P2RX7: variants seen among roughly 807,000 people sequenced by gnomAD.
P2RX7 encodes P2X purinoceptor 7.
A neutral mutation model predicts 71.6 loss-of-function variants in P2RX7; 62 were observed. The ratio of observed to expected loss-of-function variants is 0.87; its 90% CI spans 0.71 to 1.07. The LOEUF is 1.07. Among genes scored for constraint, P2RX7 ranks in the 50% least tolerant of loss-of-function variants. P2RX7 has a pLI of 0.00. For missense variants in P2RX7, 686 were observed against 748.5 expected (o/e 0.92, Z 0.97); for synonymous variants, 299 against 283.3 (o/e 1.06, Z -0.56).
chr12:121,143,186 C>T lies in P2RX7; in HGVS notation c.125+10091C>T, dbSNP rs995013728. Among the ~76,000 whole-genome samples, 10 of 150,484 alleles carry T rather than the reference C, an allele frequency of 6.6e-5. No individual in the cohort carries two copies. In the Admixed American group the frequency reaches 6.6e-4, roughly 10 times the overall value. On this transcript the variant is annotated intron_variant, in intron 1 of 12. Coordinates refer to ENST00000328963, the MANE Select transcript of P2RX7 (RefSeq NM_002562.6). ...CCTGGGTTCAGGAGTTCATTCGAGA[C>T]CAGCCTGGCCAACATGGTGAAAGTC...
intron 1 of P2RX7, among the ~76,000 whole-genome samples, chr12:121,145,552 G>C (rs1453799378): frequency 2.0e-5 from 3 of 151,272 alleles, no homozygotes. Flanking sequence ...TGTCGCCCAG[G>C]CTGGAGTGCG....
rs575422540 is a variant in P2RX7 at position 121,154,723 on chromosome 12, G to A, written c.126-62G>A. Reference sequence around the variant, plus strand: ...AACAGAAGTGCCTGCATCCTCCAACGCCTGCATCCCAACCCGCTGTGCTAT... The same window carrying A: ...AACAGAAGTGCCTGCATCCTCCAACACCTGCATCCCAACCCGCTGTGCTAT... On this transcript the variant is annotated intron_variant, in intron 1 of 12. Transcript: ENST00000328963. The surrounding 1 kb of genome is among the most constrained non-coding windows in gnomAD (Gnocchi z 4.2). The A allele has an allele frequency of 1.2e-4, 134 of 1,072,054 alleles. 1 individual carries two copies. Among genetic ancestry groups the A allele is most frequent in the East Asian group, 1.1e-3 (45 of 42,420 alleles). The allele number at this position is 1,072,054 out of a possible 1,614,324, so 66.4% of individuals were successfully genotyped here. A position where few individuals can be genotyped will look rare whatever the true frequency, so the allele number is the denominator to read the frequency against.
intron 3 of P2RX7, among the ~76,000 whole-genome samples, chr12:121,158,600 C>G (rs533019737): frequency 6.6e-6 from 1 of 152,324 alleles, no homozygotes; most frequent in African/African-American, 2.4e-5. Flanking sequence ...AGTCACAGCA[C>G]AGGCTCAGCT....
Position 121,177,412 on chromosome 12 carries a change from G to C in P2RX7, c.1154G>C (p.Arg385Thr). 1.9e-6 allele frequency: 3 copies of C among 1,613,692 alleles called. No homozygotes were observed. Among genetic ancestry groups the C allele is most frequent in the Non-Finnish European group, 2.5e-6 (3 of 1,180,036 alleles). Reference protein sequence around the residue: ...QPCVVNEYYYRKKCESIVEPK... With the variant: ...QPCVVNEYYYTKKCESIVEPK... Reference sequence around the variant, plus strand: ...TGTGTGGTCAACGAATACTACTACAGGAAGAAGTGCGAGTCCATTGTGGAG... The same window carrying C: ...TGTGTGGTCAACGAATACTACTACACGAAGAAGTGCGAGTCCATTGTGGAG... Residue 385 changes from arginine (R) to threonine (T), a missense_variant, in exon 11 of 13, where the codon AGG becomes ACG. Physicochemically the swap from Arg to Thr is moderately conservative, Grantham distance 71 (BLOSUM62 -1). Coordinates refer to ENST00000328963, the MANE Select transcript of P2RX7 (RefSeq NM_002562.6).
rs763761148 is a variant in P2RX7 at position 121,184,590 on chromosome 12, C to T, written c.1576C>T (p.Leu526Phe). 1.2e-6 allele frequency: 2 copies of T among 1,613,978 alleles called. No homozygotes were observed. Among genetic ancestry groups the T allele is most frequent in the Non-Finnish European group, 1.7e-6 (2 of 1,179,950 alleles). The change falls in exon 13 of 13, where the codon CTC becomes TTC. Residue 526 changes from leucine (L) to phenylalanine (F), a missense_variant. Leu to Phe is a conservative substitution (Grantham distance 22). Coordinates refer to ENST00000328963, the MANE Select transcript of P2RX7 (RefSeq NM_002562.6). ...LVLSRHVLQF[L>F]LLYQEPLLAL... ...CCTGTCCAGACACGTCCTGCAGTTC[C>T]TCCTGCTCTACCAGGAGCCCTTGCT...
chr12:121,187,296 G>T lies in P2RX7; in HGVS notation c.*2494G>T, dbSNP rs935023675. ...CTACTATATTCATGTAAGACAGCAT[G>T]AATAAAACCATTTTTTGATACAGGG... On this transcript the variant is annotated 3_prime_UTR_variant, in exon 13 of 13. Coordinates refer to ENST00000328963, the MANE Select transcript of P2RX7 (RefSeq NM_002562.6). 1.3e-5 allele frequency: 2 copies of T among 152,146 alleles called. No homozygotes were observed. The highest frequency in any genetic ancestry group is 2.9e-5 in the Non-Finnish European group (2 of 68,010). 9.4% of individuals were successfully genotyped at this position (152,146 alleles called of 1,614,324 possible).
At chr12:121,176,795 C>G (rs1403639730) in intron 9 of P2RX7, among the ~76,000 whole-genome samples, 3 of 151,080 alleles carry the variant, frequency 2.0e-5, no homozygotes, top group Non-Finnish European at 2.9e-5. Context: ...CCCAGACATT[C>G]CTTCCCTCTG....
chr12:121,160,288 C>T (rs1050618486), intron 3 of P2RX7, among the ~76,000 whole-genome samples: 2 of 152,120 alleles, frequency 1.3e-5, no homozygotes, highest in Non-Finnish European at 2.9e-5. Context: ...GCTGGGATTA[C>T]AGGCGCACAC....
chr12:121,162,513 G>GC lies in P2RX7; in HGVS notation c.532dup (p.Arg178ProfsTer64), dbSNP rs1326587970. 1.2e-6 allele frequency: 2 copies of GC among 1,612,636 alleles called. No individual in the cohort carries two copies. The highest frequency in any genetic ancestry group is 8.5e-7 in the Non-Finnish European group (1 of 1,179,950). ...GTGCCCCATCGAGGCAGTGGAAGAG[G>GC]CCCCCCGGTGAGTCGCATGGGGAGA... is the stretch of plus-strand genomic sequence containing the variant. On this transcript the variant is annotated frameshift_variant, in exon 5 of 13. Transcript: ENST00000328963. LOFTEE classifies it high-confidence loss of function.
chr12:121,173,549 C>G (rs1455422566), intron 8 of P2RX7, among the ~76,000 whole-genome samples: 1 of 152,178 alleles, frequency 6.6e-6, no homozygotes, highest in Non-Finnish European at 1.5e-5. Context: ...CCAGGCCATA[C>G]CAGGCCATGC....
At position 121,186,379 on chromosome 12, in the gene P2RX7, C is replaced by G. The variant is rs1884891839; in HGVS notation, c.*1577C>G. On this transcript the variant is annotated 3_prime_UTR_variant, in exon 13 of 13. Transcript: ENST00000328963. ...AGGGCAAGCCTGATGAATGGGCACA[C>G]AGACTCAGCCCATACCTTCCCTGGT... The G allele has an allele frequency of 6.6e-6, 1 of 152,246 alleles. No individual in the cohort carries two copies. The highest frequency in any genetic ancestry group is 2.4e-5 in the African/African-American group (1 of 41,454). 9.4% of individuals were successfully genotyped at this position (152,246 alleles called of 1,614,324 possible). A position where few individuals can be genotyped will look rare whatever the true frequency, so the allele number is the denominator to read the frequency against.
intron 5 of P2RX7, 130 bp downstream of exon 5, chr12:121,162,650 C>T: frequency 9.8e-7 from 1 of 1,025,630 alleles, no homozygotes. Flanking sequence ...TTGGGGACCC[C>T]TGCGCTCTGG....
intron 1 of P2RX7, among the ~76,000 whole-genome samples, chr12:121,142,190 C>A (rs1875046799): frequency 6.6e-6 from 1 of 152,164 alleles, no homozygotes; most frequent in African/African-American, 2.4e-5. Flanking sequence ...CTAATACAGT[C>A]CCACAGGCCT....
intron 12 of P2RX7, among the ~76,000 whole-genome samples, chr12:121,183,580 A>AC (rs1555231311): frequency 2.7e-5 from 4 of 147,974 alleles, no homozygotes; most frequent in Non-Finnish European, 3.0e-5. Context: ...CAAAAAAAAA[A>AC]AACAACAAAT....
At chr12:121,170,514 C>G (rs111251427) in intron 8 of P2RX7, among the ~76,000 whole-genome samples, 3,421 of 152,280 alleles carry the variant, frequency 0.022, 138 homozygotes, top group African/African-American at 0.078. Flanking sequence ...GTGGCTTATG[C>G]CTGTAATCCC....
intron 7 of P2RX7, among the ~76,000 whole-genome samples, chr12:121,166,914 T>C (rs1881162827): frequency 6.7e-6 from 1 of 149,710 alleles, no homozygotes; most frequent in Non-Finnish European, 1.5e-5. Context: ...TAGCCGGGCA[T>C]GATTGCAGGC....
At position 121,154,128 on chromosome 12, in the gene P2RX7, TAA is replaced by T. The variant is rs202202448; in HGVS notation, c.126-648_126-647del. ...ACAGAGCAAGGCCCTTTCTCTGGAA[TAA>T]AAAAAAAAGAGAGGCTGGGCGCAGT... On this transcript the variant is annotated intron_variant, in intron 1 of 12. Transcript: ENST00000328963. This position sits in a 1 kb window ranked among gnomAD's most constrained non-coding sequence, Gnocchi z 4.2. Among the ~76,000 whole-genome samples the T allele has an allele frequency of 7.0e-6, 1 of 142,368 alleles. No individual in the cohort carries two copies. 93.4% of individuals were successfully genotyped at this position (142,368 alleles called of 152,430 possible).
At chr12:121,175,203 T>C (rs2136133263) in intron 8 of P2RX7, among the ~76,000 whole-genome samples, 185 bp from the exon 9 acceptor site, 1 of 150,290 alleles carries the variant, frequency 6.7e-6, no homozygotes, top group African/African-American at 2.5e-5. Context: ...CCCAGCTACC[T>C]GGGAGACTGA....
intron 7 of P2RX7, 98 bp from the exon 8 acceptor site, chr12:121,167,390 T>C (rs1359667276): frequency 4.1e-6 from 6 of 1,451,774 alleles, no homozygotes; most frequent in Non-Finnish European, 5.7e-6. Context: ...ATTTTTCCTC[T>C]AAAAACCTTA....
Sources: allele counts gnomAD v4.1 joint callset (sites outside exome capture counted in the v4.1 genomes callset), GRCh38; gene constraint gnomAD v4.1.1; non-coding constraint Gnocchi (gnomAD v3.1); transcripts MANE v1.5; gene names NCBI Gene and HGNC (gene_info 2026-07-23, HGNC 2026-07-21).